AFF3: variants seen among roughly 807,000 people sequenced by gnomAD.
The protein encoded by AFF3 is ALF transcription elongation factor 3, also known as AF4/FMR2 family member 3.
Under a neutral mutation model 129.7 loss-of-function variants are expected in AFF3, and 32 were observed. The observed-to-expected ratio is 0.25, with a 90% CI of 0.19 to 0.33. The LOEUF (loss-of-function observed/expected upper bound fraction) is 0.33, where lower values mean the gene tolerates loss of function less well. Ranked by LOEUF, AFF3 falls within the 10% of genes least tolerant of loss-of-function variation. The pLI is 1.00. For missense variants in AFF3, 1,373 were observed against 1,592.0 expected (o/e 0.86, Z 2.34); for synonymous variants, 644 against 635.4 (o/e 1.01, Z -0.20).
At chr2:100,139,422 A>G (rs1342339349) in intron 1 of AFF3, among the ~76,000 whole-genome samples, 1 of 152,190 alleles carries the variant, frequency 6.6e-6, no homozygotes, top group East Asian at 1.9e-4. Flanking sequence ...TAATTTTTCC[A>G]TAAAGAAAAA....
At chr2:100,045,075 C>T (rs559311187) in intron 4 of AFF3, among the ~76,000 whole-genome samples, 91 of 152,206 alleles carry the variant, frequency 6.0e-4, no homozygotes, top group Non-Finnish European at 1.1e-3. Flanking sequence ...CAACCAGCCT[C>T]CCTGATGAAA....
At chr2:99,648,606 C>G (rs915120808) in intron 13 of AFF3, among the ~76,000 whole-genome samples, 1 of 152,122 alleles carries the variant, frequency 6.6e-6, no homozygotes, top group Non-Finnish European at 1.5e-5. Flanking sequence ...TGCCACCACA[C>G]AGAAAATGCT....
chr2:99,644,237 C>T (rs985774920), intron 13 of AFF3, among the ~76,000 whole-genome samples: 1 of 152,190 alleles, frequency 6.6e-6, no homozygotes, highest in Non-Finnish European at 1.5e-5. Flanking sequence ...TTGCTGGAGT[C>T]GCAGGCTGAC....
intron 2 of AFF3, among the ~76,000 whole-genome samples, chr2:100,112,757 G>A (rs1180728949): frequency 1.3e-5 from 2 of 152,166 alleles, no homozygotes; most frequent in African/African-American, 2.4e-5. Context: ...GGTCGTGAGA[G>A]GAGGAAAGTG....
At chr2:99,836,139 G>A (rs1688857151) in intron 8 of AFF3, among the ~76,000 whole-genome samples, 2 of 152,312 alleles carry the variant, frequency 1.3e-5, no homozygotes, top group African/African-American at 4.8e-5. Context: ...GGCCAAGAGA[G>A]AATAAGAAGG....
intron 4 of AFF3, among the ~76,000 whole-genome samples, chr2:100,094,419 C>T (rs1467355067): frequency 3.9e-5 from 6 of 152,236 alleles, no homozygotes; most frequent in Admixed American, 1.3e-4. Context: ...CACACATGCT[C>T]GGTTCACTAT....
At chr2:99,710,768 G>C (rs549579771) in intron 11 of AFF3, among the ~76,000 whole-genome samples, 3 of 152,146 alleles carry the variant, frequency 2.0e-5, no homozygotes, top group Non-Finnish European at 4.4e-5. Flanking sequence ...AGTTAAAAGT[G>C]GGGGTGGAAT....
chr2:99,551,375 C>A lies in AFF3; in HGVS notation c.*99G>T, dbSNP rs1674394969. On this transcript the variant is annotated 3_prime_UTR_variant, in exon 25 of 25. Transcript: ENST00000672756. The stretch of plus-strand genomic sequence containing the variant: ...ATGCTGAGGAAATGTTCACCGCAGT[C>A]TGATAAATGCTGTGGCTGGGAGTTT... 2 of 1,484,460 alleles carry A rather than the reference C, an allele frequency of 1.3e-6. No individual in the cohort carries two copies. Among genetic ancestry groups the A allele is most frequent in the East Asian group, 4.6e-5 (2 of 43,108 alleles). 92.0% of individuals were successfully genotyped at this position (1,484,460 alleles called of 1,614,324 possible).
intron 13 of AFF3, among the ~76,000 whole-genome samples, chr2:99,613,024 C>T (rs1681080572): frequency 6.6e-6 from 1 of 152,164 alleles, no homozygotes; most frequent in Non-Finnish European, 1.5e-5. Context: ...TCTGTATTTT[C>T]AAAATTCTCA....
At chr2:99,970,102 G>A (rs755656114) in intron 7 of AFF3, among the ~76,000 whole-genome samples, 2 of 152,146 alleles carry the variant, frequency 1.3e-5, no homozygotes, top group African/African-American at 4.8e-5. Context: ...TCTGATAAGG[G>A]ATAAAGGAAG....
intron 1 of AFF3, among the ~76,000 whole-genome samples, chr2:100,138,317 C>A (rs919975746): frequency 2.0e-5 from 3 of 152,168 alleles, no homozygotes; most frequent in Non-Finnish European, 4.4e-5. Flanking sequence ...TAAGTGACAT[C>A]CCAATATGGG....
At chr2:100,103,614 C>A (rs1397441652) in intron 4 of AFF3, among the ~76,000 whole-genome samples, 11 of 151,872 alleles carry the variant, frequency 7.2e-5, no homozygotes, top group Non-Finnish European at 1.0e-4. Context: ...CTGCTTCCAG[C>A]GGCGATTTAC....
At chr2:99,872,594 A>T (rs4851238) in intron 7 of AFF3, among the ~76,000 whole-genome samples, 28,098 of 127,602 alleles carry the variant, frequency 0.22, 3,166 homozygotes, top group East Asian at 0.41. Flanking sequence ...TGCTTCTTAC[A>T]AAAATAAAAT....
intron 4 of AFF3, among the ~76,000 whole-genome samples, chr2:100,013,340 T>C (rs569535000): frequency 1.3e-4 from 20 of 152,332 alleles, no homozygotes; most frequent in South Asian, 8.3e-4. Context: ...TTCTCTTCCA[T>C]TGAGCTCAAA....
At chr2:99,984,539 T>C (rs1679688318) in intron 7 of AFF3, among the ~76,000 whole-genome samples, 1 of 152,132 alleles carries the variant, frequency 6.6e-6, no homozygotes, top group South Asian at 2.1e-4. Flanking sequence ...GGGTAACCTA[T>C]AGGATCAAAA....
chr2:99,744,227 T>G, intron 9 of AFF3, 87 bp from the exon 10 acceptor site: 1 of 1,174,350 alleles, frequency 8.5e-7, no homozygotes, highest in Non-Finnish European at 1.2e-6. Context: ...AAACTGGTCA[T>G]TCAGAACCGA....
chr2:100,073,533 T>C (rs1443398427), intron 4 of AFF3, among the ~76,000 whole-genome samples: 1 of 152,230 alleles, frequency 6.6e-6, no homozygotes, highest in Non-Finnish European at 1.5e-5. Context: ...TGGGACTTTA[T>C]AGGGCAGCTT....
chr2:99,813,439 T>C, intron 8 of AFF3, among the ~76,000 whole-genome samples: 1 of 152,324 alleles, frequency 6.6e-6, no homozygotes, highest in South Asian at 2.1e-4. Flanking sequence ...GGACTAGGTC[T>C]TAATAAGAAT....
Position 99,593,848 on chromosome 2 carries a change from G to A in AFF3, c.1813C>T (p.Pro605Ser), listed in dbSNP as rs762061233. 1 of 1,593,610 alleles carries A rather than the reference G, an allele frequency of 6.3e-7. No individual in the cohort carries two copies. The highest frequency in any genetic ancestry group is 1.8e-5 in the Admixed American group (1 of 56,592). ...SAGDGANCHR[P>S]EEPAAADALG... ...GCGTCCGCGGCCGCGGGCTCCTCGG[G>A]CCGGTGGCAGTTGGCGCCGTCCCCG... is the stretch of plus-strand genomic sequence containing the variant. The change falls in exon 15 of 25, where the codon CCC (proline) becomes TCC (serine). Residue 605 changes from proline (P) to serine (S), a missense_variant. Pro to Ser is a moderately conservative substitution (Grantham distance 74). This residue lies in a region of AFF3 where 466 missense variants were observed against 505.0 expected (regional missense o/e 0.92). Transcript: ENST00000672756.
Sources: gnomAD v4.1 joint callset for allele counts (sites outside exome capture counted in the v4.1 genomes callset) on GRCh38, gnomAD v4.1.1 for gene constraint, gnomAD v4.1.1 regional missense constraint, MANE v1.5 for transcripts, NCBI Gene and HGNC (gene_info 2026-07-23, HGNC 2026-07-21) for gene names.